The following MYO3B variants were observed in gnomAD, a reference collection of about 807,000 sequenced individuals.
MYO3B encodes myosin IIIB, also known as myosin-IIIb.
In MYO3B, 156 loss-of-function variants were observed where a neutral mutation model predicts 174.6. The observed-to-expected ratio is 0.89, with a 90% CI of 0.78 to 1.02. The LOEUF (loss-of-function observed/expected upper bound fraction) is 1.02. Ranked by LOEUF, MYO3B falls within the 50% of genes least tolerant of loss-of-function variation. MYO3B has a pLI of 0.00. For missense variants in MYO3B, 1,632 were observed against 1,639.4 expected (o/e 1.00, Z 0.08); for synonymous variants, 563 against 569.1 (o/e 0.99, Z 0.15).
chr2:170,393,126 C>T (rs2105772320), intron 16 of MYO3B, among the ~76,000 whole-genome samples: 1 of 150,528 alleles, frequency 6.6e-6, no homozygotes, highest in South Asian at 2.1e-4. Flanking sequence ...CTCTGTCACC[C>T]AGGCTGGAGT....
At chr2:170,635,112 G>A (rs1487139022) in intron 32 of MYO3B, among the ~76,000 whole-genome samples, 1 of 152,192 alleles carries the variant, frequency 6.6e-6, no homozygotes, top group Non-Finnish European at 1.5e-5. Context: ...CCATTACTGG[G>A]TATATACCAA....
At chr2:170,219,211 T>A (rs1261294188) in intron 6 of MYO3B, among the ~76,000 whole-genome samples, 1 of 152,250 alleles carries the variant, frequency 6.6e-6, no homozygotes, top group Non-Finnish European at 1.5e-5. Flanking sequence ...ACCACGTCCT[T>A]AGACCCTCCC....
chr2:170,410,592 G>GAAAAAAAA (rs59296953), intron 22 of MYO3B, among the ~76,000 whole-genome samples: 4 of 112,532 alleles, frequency 3.6e-5, no homozygotes, highest in African/African-American at 1.0e-4. Context: ...CAAAAAAAAA[G>GAAAAAAAA]AAAAAAAAAA....
At chr2:170,404,177 A>G in intron 19 of MYO3B, 70 bp from the exon 20 acceptor site, 4 of 1,475,534 alleles carry the variant, frequency 2.7e-6, no homozygotes, top group Non-Finnish European at 3.6e-6. Context: ...CAGAAAGTCC[A>G]TGTCAAAGTA....
At chr2:170,626,691 G>T (rs1425025523) in intron 32 of MYO3B, among the ~76,000 whole-genome samples, 2 of 152,230 alleles carry the variant, frequency 1.3e-5, no homozygotes, top group Non-Finnish European at 2.9e-5. Context: ...GGTACCAGTT[G>T]TTCCTTTCCA....
At position 170,243,282 on chromosome 2, in the gene MYO3B, T is replaced by C. The variant is rs367974373; in HGVS notation, c.749+7146T>C. ...TGATCAGCTGAGAATGTGGCTGTGT[T>C]GGTTGGTCTAGGATAGCCTTGGCTA... On this transcript the variant is annotated intron_variant, in intron 7 of 34. Coordinates refer to ENST00000408978, the MANE Select transcript of MYO3B (RefSeq NM_138995.5). Among the ~76,000 whole-genome samples the C allele has an allele frequency of 7.2e-5, 11 of 152,340 alleles. No homozygotes were observed. In the East Asian group the frequency reaches 1.2e-3, roughly 16 times the overall value.
intron 32 of MYO3B, among the ~76,000 whole-genome samples, chr2:170,636,219 A>AACCCAGGTGCCAATAACTGGTTCATC (rs1697458162): frequency 6.6e-6 from 1 of 152,186 alleles, no homozygotes; most frequent in South Asian, 2.1e-4. Context: ...GGCTGGTCCC[A>AACCCAGGTGCCAATAACTGGTTCATC]ACCCAGGTGC....
At chr2:170,644,865 C>T (rs1698244218) in intron 32 of MYO3B, among the ~76,000 whole-genome samples, 1 of 152,044 alleles carries the variant, frequency 6.6e-6, no homozygotes, top group African/African-American at 2.4e-5. Context: ...AGATTTAGCT[C>T]CAGTTTATTA....
intron 3 of MYO3B, among the ~76,000 whole-genome samples, chr2:170,212,207 C>T (rs2092778517): frequency 6.6e-6 from 1 of 150,758 alleles, no homozygotes; most frequent in South Asian, 2.1e-4. Flanking sequence ...GGCGCCACTG[C>T]ACTCCAGCCT....
At chr2:170,634,394 G>T (rs1697282202) in intron 32 of MYO3B, among the ~76,000 whole-genome samples, 1 of 152,168 alleles carries the variant, frequency 6.6e-6, no homozygotes, top group South Asian at 2.1e-4. Context: ...AATAAATGGT[G>T]CTGGGAAAAC....
At position 170,387,312 on chromosome 2, in the gene MYO3B, G is replaced by C; in HGVS notation, c.1577+4G>C. On this transcript the variant is annotated splice_donor_region_variant and intron_variant, in intron 14 of 34. Coordinates refer to ENST00000408978, the MANE Select transcript of MYO3B (RefSeq NM_138995.5). ...CCAGAGTTATAAAACAGGCAGCGTA[G>C]GTGCACTACTTTATCACTGTGTTTT... 1 of 1,613,752 alleles carries C rather than the reference G, an allele frequency of 6.2e-7. No individual in the cohort carries two copies. The highest frequency in any genetic ancestry group is 8.5e-7 in the Non-Finnish European group (1 of 1,179,720).
intron 7 of MYO3B, among the ~76,000 whole-genome samples, chr2:170,280,607 G>A (rs2093500869): frequency 7.8e-6 from 1 of 128,240 alleles, no homozygotes; most frequent in African/African-American, 3.3e-5. Flanking sequence ...TTTATAGTTG[G>A]GTTTTTACAT....
At chr2:170,243,459 G>A (rs2105314855) in intron 7 of MYO3B, among the ~76,000 whole-genome samples, 1 of 151,664 alleles carries the variant, frequency 6.6e-6, no homozygotes, top group Non-Finnish European at 1.5e-5. Flanking sequence ...GTGTTCTACA[G>A]TCAATCTACA....
At chr2:170,268,307 G>A (rs910216688) in intron 7 of MYO3B, among the ~76,000 whole-genome samples, 2 of 152,106 alleles carry the variant, frequency 1.3e-5, no homozygotes, top group African/African-American at 4.8e-5. Flanking sequence ...AAGCCATAAT[G>A]GGTGAGAAAA....
chr2:170,378,739 A>T (rs577108177), intron 9 of MYO3B, among the ~76,000 whole-genome samples: 1 of 152,304 alleles, frequency 6.6e-6, no homozygotes, highest in East Asian at 1.9e-4. Flanking sequence ...TCTATTTGTG[A>T]GATTGCAAGT....
intron 6 of MYO3B, among the ~76,000 whole-genome samples, chr2:170,227,528 A>C (rs1020473256): frequency 6.6e-6 from 1 of 152,070 alleles, no homozygotes; most frequent in Non-Finnish European, 1.5e-5. Context: ...CAAGTGATCC[A>C]CCTGTTTTGG....
intron 7 of MYO3B, among the ~76,000 whole-genome samples, chr2:170,263,463 G>T (rs927288462): frequency 6.6e-6 from 1 of 152,082 alleles, no homozygotes; most frequent in African/African-American, 2.4e-5. Context: ...AGTATTTATT[G>T]ATCGTTATCT....
intron 32 of MYO3B, among the ~76,000 whole-genome samples, chr2:170,583,700 C>A (rs549312660): frequency 5.3e-5 from 8 of 152,054 alleles, no homozygotes; most frequent in Non-Finnish European, 1.0e-4. Context: ...CTGACAATAT[C>A]TTTTTAAGTA....
intron 6 of MYO3B, among the ~76,000 whole-genome samples, chr2:170,228,977 AAAAAC>A (rs796676827): frequency 9.9e-5 from 15 of 151,760 alleles, no homozygotes; most frequent in African/African-American, 3.6e-4. Context: ...AAAAAAAAAA[AAAAAC>A]AACGAATCTC....
Sources: allele counts gnomAD v4.1 joint callset (sites outside exome capture counted in the v4.1 genomes callset), GRCh38; gene constraint gnomAD v4.1.1; transcripts MANE v1.5; gene names NCBI Gene and HGNC (gene_info 2026-07-23, HGNC 2026-07-21).